WDFY3: variants seen among roughly 807,000 people sequenced by gnomAD.
WDFY3 encodes the protein WD repeat and FYVE domain containing 3.
WDFY3 carries 66 observed loss-of-function variants against 409.6 expected under a neutral mutation model. That is an observed-to-expected ratio of 0.16 (90% CI 0.13 to 0.20). The LOEUF is 0.20. Among genes scored for constraint, WDFY3 ranks in the 10% least tolerant of loss-of-function variants. WDFY3 has a pLI of 1.00. For synonymous variants in WDFY3, 1,521 were observed against 1,537.1 expected, an observed-to-expected ratio of 0.99 and a Z score of 0.25; for missense variants, 3,031 against 4,298.1, an observed-to-expected ratio of 0.71 and a Z score of 8.24.
chr4:84,696,592 TGGGATGTATCCCCTGTAGATAA>T (rs917165699), intron 57 of WDFY3, 118 bp downstream of exon 57: 83 of 718,550 alleles, frequency 1.2e-4, no homozygotes, highest in Non-Finnish European at 1.7e-4. Flanking sequence ...CTGGGGTTCT[TGGGATGTATCCCCTGTAGATAA>T]GGGGACCTGG....
At chr4:84,957,258 C>CAAAAAAAAAAAAAAAAACA in intron 1 of WDFY3, among the ~76,000 whole-genome samples, 1 of 59,368 alleles carries the variant, frequency 1.7e-5, no homozygotes, top group Non-Finnish European at 3.6e-5. Context: ...TTTCATATAC[C>CAAAAAAAAAAAAAAAAACA]AAAAAAAAAA....
Position 84,821,523 on chromosome 4 carries a change from A to G in WDFY3, c.1152T>C (p.Phe384=), listed in dbSNP as rs549901333. 67 of 1,613,548 alleles carry G rather than the reference A, an allele frequency of 4.2e-5. No homozygotes were observed. The East Asian group carries it at 5.8e-4, about 14-fold the overall frequency. The change falls in exon 11 of 68, where the codon TTT becomes TTC. Residue 384 remains phenylalanine (F), a synonymous_variant. Coordinates refer to ENST00000295888, the MANE Select transcript of WDFY3 (RefSeq NM_014991.6). Reference sequence around the variant, plus strand: ...TTAAAAATGCATTCTGAAGAACTGCAAAGGCCTGGACGTTTCTCACACTGT... The same window carrying G: ...TTAAAAATGCATTCTGAAGAACTGCGAAGGCCTGGACGTTTCTCACACTGT... ...KGHSVRNVQA[F]AVLQNAFLKA... is the part of the protein sequence containing the mutation.
chr4:84,751,457 A>G, intron 36 of WDFY3, 26 bp downstream of exon 36: 1 of 1,604,344 alleles, frequency 6.2e-7, no homozygotes, highest in Non-Finnish European at 8.5e-7. Flanking sequence ...TGCAAAAGAG[A>G]TGTAAATGCG....
intron 3 of WDFY3, among the ~76,000 whole-genome samples, chr4:84,877,690 C>T (rs1189690194): frequency 6.6e-6 from 1 of 152,186 alleles, no homozygotes; most frequent in East Asian, 1.9e-4. Flanking sequence ...GCATTTATCA[C>T]ATCATGTAAC....
chr4:84,790,195 C>T (rs1027548880), intron 21 of WDFY3, among the ~76,000 whole-genome samples: 1 of 151,736 alleles, frequency 6.6e-6, no homozygotes, highest in Admixed American at 6.6e-5. Context: ...ACTAAAAACA[C>T]AAAAATTAGC....
chr4:84,905,153 C>G (rs1055637641), intron 2 of WDFY3, among the ~76,000 whole-genome samples: 8 of 152,218 alleles, frequency 5.3e-5, no homozygotes, highest in African/African-American at 1.9e-4. Context: ...CTGGTCAACA[C>G]GGTGAAACCT....
At chr4:84,898,751 G>A (rs1765960971) in intron 2 of WDFY3, among the ~76,000 whole-genome samples, 1 of 152,088 alleles carries the variant, frequency 6.6e-6, no homozygotes, top group Admixed American at 6.5e-5. Context: ...TTGTGGCAAA[G>A]GGAATCACAA....
chr4:84,929,138 C>T (rs142848601), intron 2 of WDFY3, among the ~76,000 whole-genome samples: 1 of 152,250 alleles, frequency 6.6e-6, no homozygotes, highest in African/African-American at 2.4e-5. Flanking sequence ...TGTGACCTGC[C>T]CTACAGTAAA....
chr4:84,795,007 T>C (rs1455834609), intron 19 of WDFY3, 28 bp from the exon 20 acceptor site: 3 of 1,471,190 alleles, frequency 2.0e-6, no homozygotes, highest in African/African-American at 2.9e-5. Flanking sequence ...ACATACATAT[T>C]AGAGATCAAT....
intron 44 of WDFY3, among the ~76,000 whole-genome samples, chr4:84,728,766 A>C (rs1736085256): frequency 6.6e-6 from 1 of 152,154 alleles, no homozygotes; most frequent in Non-Finnish European, 1.5e-5. Flanking sequence ...TTATTTTACT[A>C]AAAGGCCCAG....
intron 17 of WDFY3, among the ~76,000 whole-genome samples, chr4:84,799,268 G>A (rs559067099): frequency 5.3e-5 from 8 of 151,440 alleles, no homozygotes; most frequent in South Asian, 2.1e-4. Flanking sequence ...GAGATCCTTC[G>A]GCCTCAGTCT....
At position 84,679,216 on chromosome 4, in the gene WDFY3, T is replaced by C; in HGVS notation, c.9850A>G (p.Ser3284Gly). The change falls in exon 65 of 68, where the codon AGT (serine) becomes GGT (glycine). Residue 3284 changes from serine to glycine, a missense_variant. Ser to Gly is a moderately conservative substitution (Grantham distance 56). This residue lies in a region of WDFY3 where 378 missense variants were observed against 477.3 expected (regional missense o/e 0.79). Coordinates refer to ENST00000295888, the MANE Select transcript of WDFY3 (RefSeq NM_014991.6). ...IGQEAQDEDS[S>G]DSEADEQSIS... is the part of the protein sequence containing the mutation. ...CTCTGCTCATCTGCTTCTGAATCAC[T>C]GCTGTCCTCGTCTTGGGCTTCCTGC... The C allele has an allele frequency of 1.3e-6, 2 of 1,569,434 alleles. No individual in the cohort carries two copies. Among genetic ancestry groups the C allele is most frequent in the Non-Finnish European group, 1.7e-6 (2 of 1,153,438 alleles).
At chr4:84,707,871 T>C (rs906389432) in intron 53 of WDFY3, among the ~76,000 whole-genome samples, 2 of 152,116 alleles carry the variant, frequency 1.3e-5, no homozygotes, top group Non-Finnish European at 2.9e-5. Context: ...CCCATGCATA[T>C]AGGGTGGATT....
At chr4:84,754,320 T>TA (rs1185005591) in intron 34 of WDFY3, among the ~76,000 whole-genome samples, 1 of 152,122 alleles carries the variant, frequency 6.6e-6, no homozygotes, top group Non-Finnish European at 1.5e-5. Context: ...ATGATGATGA[T>TA]AAAAAAATGA....
chr4:84,958,245 T>A (rs1774486607), intron 1 of WDFY3, among the ~76,000 whole-genome samples: 1 of 152,144 alleles, frequency 6.6e-6, no homozygotes, highest in South Asian at 2.1e-4. Flanking sequence ...TGTGTATAGC[T>A]CATTGCACCA....
chr4:84,820,398 G>A (rs1753886272), intron 11 of WDFY3, among the ~76,000 whole-genome samples: 1 of 152,002 alleles, frequency 6.6e-6, no homozygotes, highest in African/African-American at 2.4e-5. Context: ...CGGTATGCTT[G>A]CAAGTGGCCG....
At chr4:84,768,959 G>A (rs1375008549) in intron 30 of WDFY3, among the ~76,000 whole-genome samples, 1 of 152,194 alleles carries the variant, frequency 6.6e-6, no homozygotes, top group African/African-American at 2.4e-5. Context: ...ATTAACAGGA[G>A]TTGGAAGAAG....
intron 2 of WDFY3, among the ~76,000 whole-genome samples, chr4:84,903,884 T>C (rs1411321300): frequency 6.6e-6 from 1 of 152,182 alleles, no homozygotes; most frequent in African/African-American, 2.4e-5. Flanking sequence ...TATCTGTCTG[T>C]CTGTCTGTCT....
intron 53 of WDFY3, among the ~76,000 whole-genome samples, chr4:84,708,000 G>A (rs185647794): frequency 2.0e-5 from 3 of 152,210 alleles, no homozygotes; most frequent in Admixed American, 6.5e-5. Context: ...GAATAAGAAC[G>A]TTCACTGAAT....
Sources: gnomAD v4.1 joint callset for allele counts (sites outside exome capture counted in the v4.1 genomes callset) on GRCh38, gnomAD v4.1.1 for gene constraint, gnomAD v4.1.1 regional missense constraint, MANE v1.5 for transcripts, NCBI Gene and HGNC (gene_info 2026-07-23, HGNC 2026-07-21) for gene names.